Variants in DAW1 observed in about 807,000 individuals in gnomAD.
DAW1 encodes dynein assembly factor with WD repeats 1, also known as dynein assembly factor with WD repeat domains 1.
Under a neutral mutation model 56.5 loss-of-function variants are expected in DAW1, and 47 were observed. The observed-to-expected ratio is 0.83, with a 90% CI of 0.66 to 1.06. DAW1 has a LOEUF of 1.06. DAW1 is among the 50% of genes least tolerant of loss of function. The pLI is 0.00. For missense variants in DAW1, 505 were observed against 499.3 expected, an observed-to-expected ratio of 1.01 and a Z score of -0.11; for synonymous variants, 190 against 179.0, an observed-to-expected ratio of 1.06 and a Z score of -0.49.
chr2:227,889,871 G>GT lies in DAW1; in HGVS notation c.131dup (p.Leu44PhefsTer43). On this transcript the variant is annotated frameshift_variant, in exon 3 of 13. Transcript: ENST00000309931. LOFTEE classifies it high-confidence loss of function. ...TGTATTTCAGCACTGATGTCAGTGC[G>GT]TTAGTAGAAGAAATCCAGAAGGCAG... The GT allele has an allele frequency of 6.3e-7, 1 of 1,599,114 alleles. No individual in the cohort carries two copies. Among genetic ancestry groups the GT allele is most frequent in the Non-Finnish European group, 8.5e-7 (1 of 1,175,378 alleles).
chr2:227,893,649 G>T, intron 4 of DAW1, 146 bp from the exon 5 acceptor site: 1 of 1,295,312 alleles, frequency 7.7e-7, no homozygotes, highest in Non-Finnish European at 1.0e-6. Context: ...TCCAGCCTGA[G>T]TGACAGAGCG....
chr2:227,919,534 G>A (rs1692056498), intron 11 of DAW1, among the ~76,000 whole-genome samples: 1 of 152,200 alleles, frequency 6.6e-6, no homozygotes, highest in Non-Finnish European at 1.5e-5. Flanking sequence ...TGGGCAGCAA[G>A]TATCAAGTGT....
intron 11 of DAW1, among the ~76,000 whole-genome samples, chr2:227,920,884 TG>T (rs1453788563): frequency 6.6e-6 from 1 of 152,172 alleles, no homozygotes; most frequent in African/African-American, 2.4e-5. Flanking sequence ...TTCGCCATGT[TG>T]GCCAGGCGGT....
intron 4 of DAW1, 72 bp from the exon 5 acceptor site, chr2:227,893,723 C>T: frequency 1.3e-6 from 2 of 1,539,772 alleles, no homozygotes; most frequent in Non-Finnish European, 1.7e-6. Flanking sequence ...TATTATCCTA[C>T]AGGTAAAACA....
intron 11 of DAW1, 29 bp from the exon 12 acceptor site, chr2:227,921,370 C>T: frequency 2.1e-6 from 2 of 960,168 alleles, no homozygotes; most frequent in South Asian, 1.7e-5. Context: ...TTACACAAAG[C>T]TGTGATCATT....
chr2:227,918,650 A>G, intron 10 of DAW1, 130 bp from the exon 11 acceptor site: 3 of 991,234 alleles, frequency 3.0e-6, no homozygotes, highest in Non-Finnish European at 4.5e-6. Flanking sequence ...GGCTCTCAAC[A>G]CAGGCAAGAA....
At chr2:227,919,137 A>G (rs1228566831) in intron 11 of DAW1, among the ~76,000 whole-genome samples, 1 of 150,106 alleles carries the variant, frequency 6.7e-6, no homozygotes, top group Non-Finnish European at 1.5e-5. Flanking sequence ...TCAAGGCTGC[A>G]GTGAGATGTG....
At chr2:227,883,150 G>A (rs901216172) in intron 1 of DAW1, among the ~76,000 whole-genome samples, 11 of 152,272 alleles carry the variant, frequency 7.2e-5, no homozygotes, top group Non-Finnish European at 1.6e-4. Flanking sequence ...TCTTGAAAAT[G>A]AAGAATGTGA....
chr2:227,889,846 T>C lies in DAW1; in HGVS notation c.114-10T>C. On this transcript the variant is annotated splice_polypyrimidine_tract_variant and intron_variant, in intron 2 of 12. Coordinates refer to ENST00000309931, the MANE Select transcript of DAW1 (RefSeq NM_178821.3). ...AAAATAAAAGAAACTCTTTTTTGGG[T>C]GTATTTCAGCACTGATGTCAGTGCG... 1 of 1,552,144 alleles carries C rather than the reference T, an allele frequency of 6.4e-7. No homozygotes were observed. Among genetic ancestry groups the C allele is most frequent in the Non-Finnish European group, 8.6e-7 (1 of 1,157,870 alleles).
chr2:227,871,714 C>T lies in DAW1; in HGVS notation c.25C>T (p.Arg9Trp). The change falls in exon 1 of 13, where the codon CGG becomes TGG. Residue 9 changes from arginine (R) to tryptophan (W), a missense_variant. Transcript: ENST00000309931. Reference sequence around the variant, plus strand: ...AATGAAGCTCAAGAGCCTCCTGCTCCGGTATTACCCGCCAGGTACGCACCA... The same window carrying T: ...AATGAAGCTCAAGAGCCTCCTGCTCTGGTATTACCCGCCAGGTACGCACCA... MKLKSLLLRYYPPGIMLEY... is the reference protein window; with the variant it reads MKLKSLLLWYYPPGIMLEY... 2 of 1,613,928 alleles carry T rather than the reference C, an allele frequency of 1.2e-6. No individual in the cohort carries two copies. Among genetic ancestry groups the T allele is most frequent in the Non-Finnish European group, 1.7e-6 (2 of 1,179,910 alleles).
chr2:227,903,176 G>A, intron 7 of DAW1, 67 bp downstream of exon 7: 1 of 1,535,086 alleles, frequency 6.5e-7, no homozygotes, highest in Admixed American at 1.7e-5. Flanking sequence ...GTTACAAAAT[G>A]AGCTCTAAGT....
At chr2:227,894,750 A>G (rs949437101) in intron 5 of DAW1, among the ~76,000 whole-genome samples, 3 of 152,206 alleles carry the variant, frequency 2.0e-5, no homozygotes, top group Non-Finnish European at 2.9e-5. Context: ...AGTGTCTTCT[A>G]TTCTTCCTCA....
rs1394909300 is a variant in DAW1, at chr2:227,889,343, TC to T, written c.114-511del. Among the ~76,000 whole-genome samples the T allele has an allele frequency of 2.6e-5, 4 of 152,232 alleles. No homozygotes were observed. The East Asian group carries it at 7.7e-4, about 29-fold the overall frequency. On this transcript the variant is annotated intron_variant, in intron 2 of 12. Coordinates refer to ENST00000309931, the MANE Select transcript of DAW1 (RefSeq NM_178821.3). ...CATCTGATGAGGGCTGCACTCTGCTTCCAGGATGGCACCTTGATGCTGCGTC... is the reference window on the plus strand; with the variant it reads ...CATCTGATGAGGGCTGCACTCTGCTTCAGGATGGCACCTTGATGCTGCGTC...
intron 5 of DAW1, among the ~76,000 whole-genome samples, chr2:227,894,934 G>A (rs1364331463): frequency 2.6e-5 from 4 of 152,206 alleles, no homozygotes; most frequent in Admixed American, 6.5e-5. Flanking sequence ...GTAACATAAC[G>A]TGTAATTTAA....
chr2:227,885,403 T>C lies in DAW1; in HGVS notation c.93T>C (p.Asp31=). The part of the protein sequence containing the change: ...KHGELKTKSI[D]LLDLGPSTDV... Reference sequence around the variant, plus strand: ...GAGAATTAAAGACTAAGTCCATAGATTTGCTTGATCTTGGTCCCAGGTAAG... The same window carrying C: ...GAGAATTAAAGACTAAGTCCATAGACTTGCTTGATCTTGGTCCCAGGTAAG... Residue 31 remains aspartate (D), a synonymous_variant, in exon 2 of 13, where the codon GAT becomes GAC. Coordinates refer to ENST00000309931, the MANE Select transcript of DAW1 (RefSeq NM_178821.3). 6.2e-7 allele frequency: 1 copy of C among 1,603,138 alleles called. No homozygotes were observed.
rs1460113072 is a variant in DAW1 at position 227,885,375 on chromosome 2, AT to A, written c.66del (p.His22GlnfsTer4). ...GGAATTATGTTGGAATATGAAAAACATGGAGAATTAAAGACTAAGTCCATAG... is the reference window on the plus strand; with the variant it reads ...GGAATTATGTTGGAATATGAAAAACAGGAGAATTAAAGACTAAGTCCATAG... The part of the protein sequence containing the change: ...PPGIMLEYEK[H>X]GELKTKSIDL... On this transcript the variant is annotated frameshift_variant, in exon 2 of 13. Transcript: ENST00000309931. LOFTEE classifies it high-confidence loss of function. 1.1e-5 allele frequency: 17 copies of A among 1,601,962 alleles called. No homozygotes were observed. The highest frequency in any genetic ancestry group is 1.4e-5 in the Non-Finnish European group (17 of 1,175,352).
chr2:227,912,492 T>C lies in DAW1; in HGVS notation c.973+5240T>C, dbSNP rs1268548459. 3 of 1,300,030 alleles carry C rather than the reference T, an allele frequency of 2.3e-6. No homozygotes were observed. The African/African-American group carries it at 4.6e-5, about 20-fold the overall frequency. The allele number at this position is 1,300,030 out of a possible 1,614,324, so 80.5% of individuals were successfully genotyped here. On this transcript the variant is annotated intron_variant, in intron 10 of 12. Coordinates refer to ENST00000309931, the MANE Select transcript of DAW1 (RefSeq NM_178821.3). ...ATGGTATGCTACATGCTGTGTTCCT[T>C]ATCTTCTTGATGATCATATATAATG...
At chr2:227,905,111 A>G in intron 8 of DAW1, 76 bp downstream of exon 8, 1 of 1,236,186 alleles carries the variant, frequency 8.1e-7, no homozygotes, top group Admixed American at 2.1e-5. Flanking sequence ...TTTTAGTTTA[A>G]GCTACTATCT....
chr2:227,911,955 T>G (rs10191097), intron 10 of DAW1, among the ~76,000 whole-genome samples: 73,598 of 151,902 alleles, frequency 0.48, 18,295 homozygotes, highest in Middle Eastern at 0.63. Flanking sequence ...TCTCTGACAC[T>G]TATGCCCCTA....
Sources: gnomAD v4.1 joint callset for allele counts (sites outside exome capture counted in the v4.1 genomes callset) on GRCh38, gnomAD v4.1.1 for gene constraint, MANE v1.5 for transcripts, NCBI Gene and HGNC (gene_info 2026-07-23, HGNC 2026-07-21) for gene names.